Variants in SCAF11 observed in about 807,000 individuals in gnomAD.
SCAF11 encodes SR-related CTD associated factor 11, also known as protein SCAF11.
SCAF11 carries 47 observed loss-of-function variants against 140.5 expected under a neutral mutation model. The ratio of observed to expected loss-of-function variants is 0.33; its 90% CI spans 0.26 to 0.43. The LOEUF (loss-of-function observed/expected upper bound fraction) is 0.43. Ranked by LOEUF, SCAF11 falls within the 20% of genes least tolerant of loss-of-function variation. The pLI is 1.00. For synonymous variants in SCAF11, 557 were observed against 579.4 expected (o/e 0.96, Z 0.55); for missense variants, 1,645 against 1,705.1 (o/e 0.96, Z 0.62).
In SCAF11 at chr12:45,927,993, C is replaced by T; in HGVS notation, c.1708G>A (p.Asp570Asn). Residue 570 changes from aspartate (D) to asparagine (N), a missense_variant, in exon 11 of 15, where the codon GAC becomes AAC. Around this residue, in one of 2 missense-constraint regions of SCAF11, gnomAD observed 1,582 missense variants for 1,609.2 expected, o/e 0.98. Transcript: ENST00000369367. ...VYQPVSCPLS[D>N]LSENVESVVN... ...ACTGACTCTACATTCTCAGATAAGT[C>T]ACTTAGGGGACAAGATACAGGTTGG... 6.2e-7 allele frequency: 1 copy of T among 1,613,078 alleles called. No individual in the cohort carries two copies. The highest frequency in any genetic ancestry group is 8.5e-7 in the Non-Finnish European group (1 of 1,179,978).
At chr12:45,959,845 A>G (rs908375353) in intron 3 of SCAF11, among the ~76,000 whole-genome samples, 1 of 152,226 alleles carries the variant, frequency 6.6e-6, no homozygotes, top group African/African-American at 2.4e-5. Context: ...AGGGACAACG[A>G]AATAATTCAG....
At chr12:45,983,654 T>C (rs1011068891) in intron 1 of SCAF11, among the ~76,000 whole-genome samples, 1 of 151,528 alleles carries the variant, frequency 6.6e-6, no homozygotes, top group African/African-American at 2.4e-5. Context: ...GAAATTGAGA[T>C]ACTGATTAGA....
intron 12 of SCAF11, among the ~76,000 whole-genome samples, chr12:45,924,080 A>G (rs1318408321): frequency 1.3e-5 from 2 of 152,170 alleles, no homozygotes; most frequent in African/African-American, 4.8e-5. Context: ...TGACCTCGTG[A>G]TTCACCCACC....
Position 45,928,465 on chromosome 12 carries a change from T to C in SCAF11, c.1236A>G (p.Glu412=), listed in dbSNP as rs751339119. The C allele has an allele frequency of 1.6e-5, 26 of 1,613,062 alleles. No homozygotes were observed. Among genetic ancestry groups the C allele is most frequent in the Non-Finnish European group, 2.2e-5 (26 of 1,179,328 alleles). Residue 412 remains glutamate, a synonymous_variant, in exon 11 of 15, where the codon GAA becomes GAG. Coordinates refer to ENST00000369367, the MANE Select transcript of SCAF11 (RefSeq NM_004719.3). ...SNDSVDEETA[E]SDTSPVLEKE... ...TTTCTAACACAGGTGATGTGTCAGA[T>C]TCTGCTGTTTCTTCATCTACTGAAT... is the stretch of plus-strand genomic sequence containing the variant.
At chr12:45,954,937 C>CG (rs1475957404) in intron 3 of SCAF11, 1 of 122,574 alleles carries the variant, frequency 8.2e-6, no homozygotes, top group Non-Finnish European at 2.0e-5. Context: ...AAGATTCCCC[C>CG]CCTTTTTTTT....
At position 45,920,547 on chromosome 12, in the gene SCAF11, C is replaced by T. The variant is rs996935384; in HGVS notation, c.*1501G>A. ...TTCAAGATGCCAGTTAAAATAATGG[C>T]ACAATAAACATTTTAAACTTACCTT... is the stretch of plus-strand genomic sequence containing the variant. On this transcript the variant is annotated 3_prime_UTR_variant, in exon 15 of 15. Coordinates refer to ENST00000369367, the MANE Select transcript of SCAF11 (RefSeq NM_004719.3). The T allele has an allele frequency of 6.7e-6, 1 of 150,150 alleles. No individual in the cohort carries two copies. The highest frequency in any genetic ancestry group is 1.5e-5 in the Non-Finnish European group (1 of 67,558). The allele number at this position is 150,150 out of a possible 1,614,324, so 9.3% of individuals were successfully genotyped here.
chr12:45,936,756 T>C (rs980226775), intron 6 of SCAF11, among the ~76,000 whole-genome samples: 4 of 152,360 alleles, frequency 2.6e-5, no homozygotes, highest in African/African-American at 9.6e-5. Flanking sequence ...ACTCATTTTC[T>C]GAATCTCACA....
At chr12:45,938,605 C>T (rs1273765825) in intron 6 of SCAF11, among the ~76,000 whole-genome samples, 1 of 152,070 alleles carries the variant, frequency 6.6e-6, no homozygotes, top group Non-Finnish European at 1.5e-5. Context: ...ACTCAATCTG[C>T]TATGCTTAAC....
chr12:45,950,908 T>A (rs1411227019), intron 4 of SCAF11, among the ~76,000 whole-genome samples: 1 of 152,160 alleles, frequency 6.6e-6, no homozygotes, highest in Non-Finnish European at 1.5e-5. Context: ...GCATCACTTA[T>A]GTTTATATTG....
At chr12:45,943,970 A>C (rs1266561332) in intron 6 of SCAF11, among the ~76,000 whole-genome samples, 2 of 152,304 alleles carry the variant, frequency 1.3e-5, no homozygotes, top group Admixed American at 1.3e-4. Context: ...GAGCTTTACT[A>C]TACTGAAGCA....
At chr12:45,924,077 G>A (rs923495114) in intron 12 of SCAF11, among the ~76,000 whole-genome samples, 11 of 152,092 alleles carry the variant, frequency 7.2e-5, no homozygotes, top group Non-Finnish European at 1.5e-4. Context: ...TCCTGACCTC[G>A]TGATTCACCC....
At chr12:45,947,504 G>C (rs956732792) in intron 5 of SCAF11, among the ~76,000 whole-genome samples, 7 of 152,192 alleles carry the variant, frequency 4.6e-5, no homozygotes, top group Non-Finnish European at 8.8e-5. Context: ...TTAATAAACA[G>C]TTTAAATTAT....
At position 45,926,614 on chromosome 12, in the gene SCAF11, G is replaced by C; in HGVS notation, c.3087C>G (p.Asn1029Lys). 6.2e-7 allele frequency: 1 copy of C among 1,613,990 alleles called. No homozygotes were observed. Among genetic ancestry groups the C allele is most frequent in the Non-Finnish European group, 8.5e-7 (1 of 1,180,002 alleles). The change falls in exon 11 of 15, where the codon AAC becomes AAG. Residue 1029 changes from asparagine to lysine, a missense_variant. Transcript: ENST00000369367. ...DCPNWITEKINSGPDPRTRNP... is the reference protein window; with the variant it reads ...DCPNWITEKIKSGPDPRTRNP... ...TTCTGGTTCTTGGATCAGGCCCAGA[G>C]TTTATTTTTTCTGTTATCCAATTGG...
At chr12:45,953,888 T>A in intron 3 of SCAF11, 2 of 1,026,870 alleles carry the variant, frequency 1.9e-6, no homozygotes, top group South Asian at 3.1e-5. Context: ...TACTAAATAT[T>A]ATGTAAGGTC....
At position 45,928,128 on chromosome 12, in the gene SCAF11, T is replaced by C. The variant is rs1470221215; in HGVS notation, c.1573A>G (p.Lys525Glu). ...GAAAGTCCAGATATCTGGTCTTGCT[T>C]TTCCAATGGATCACCTCCTTTTTCA... ...ILEKGGDPLE[K>E]QDQISGLSQS... Residue 525 changes from lysine to glutamate, a missense_variant, in exon 11 of 15, where the codon AAG (lysine) becomes GAG (glutamate). This residue lies in a region of SCAF11 where 1,582 missense variants were observed against 1,609.2 expected (regional missense o/e 0.98). Coordinates refer to ENST00000369367, the MANE Select transcript of SCAF11 (RefSeq NM_004719.3). 6.2e-6 allele frequency: 10 copies of C among 1,613,872 alleles called. No individual in the cohort carries two copies. The highest frequency in any genetic ancestry group is 8.5e-6 in the Non-Finnish European group (10 of 1,180,004).
upstream of SCAF11, chr12:45,991,979 C>T (rs1215878541): frequency 5.4e-6 from 7 of 1,288,992 alleles, no homozygotes; most frequent in South Asian, 7.4e-5. Flanking sequence ...GCCACCCTGA[C>T]GCCTGCCCGG....
intron 10 of SCAF11, among the ~76,000 whole-genome samples, chr12:45,930,393 C>A (rs972316269): frequency 7.3e-5 from 11 of 150,886 alleles, no homozygotes; most frequent in African/African-American, 2.7e-4. Context: ...ATTAGAAAGA[C>A]AAATGCTCAC....
intron 6 of SCAF11, among the ~76,000 whole-genome samples, chr12:45,943,876 A>T (rs1307451425): frequency 6.6e-6 from 1 of 152,222 alleles, no homozygotes; most frequent in Non-Finnish European, 1.5e-5. Flanking sequence ...TTATAATTTT[A>T]AAATAGCTAT....
At chr12:45,974,168 T>C (rs1179318240) in intron 1 of SCAF11, 2 of 470,704 alleles carry the variant, frequency 4.2e-6, no homozygotes, top group Admixed American at 2.4e-5. Flanking sequence ...CTAAAAACTG[T>C]ACATACTTGA....
Sources: allele counts gnomAD v4.1 joint callset (sites outside exome capture counted in the v4.1 genomes callset), GRCh38; gene constraint gnomAD v4.1.1; regional missense constraint gnomAD v4.1.1; transcripts MANE v1.5; gene names NCBI Gene and HGNC (gene_info 2026-07-23, HGNC 2026-07-21).